The following TENM2 variants were observed in gnomAD, a reference collection of about 807,000 sequenced individuals.
TENM2 encodes the protein teneurin transmembrane protein 2.
Under a neutral mutation model 245.2 loss-of-function variants are expected in TENM2, and 52 were observed. The ratio of observed to expected loss-of-function variants is 0.21; its 90% CI spans 0.17 to 0.27. TENM2 has a LOEUF of 0.27. Ranked by LOEUF, TENM2 falls within the 10% of genes least tolerant of loss-of-function variation. TENM2 has a pLI of 1.00. For synonymous variants in TENM2, 1,363 were observed against 1,438.9 expected (o/e 0.95, Z 1.19); for missense variants, 3,046 against 3,666.8 (o/e 0.83, Z 4.37).
intron 2 of TENM2, among the ~76,000 whole-genome samples, chr5:167,456,893 C>T (rs1409845062): frequency 1.3e-5 from 2 of 152,174 alleles, no homozygotes; most frequent in Non-Finnish European, 2.9e-5. Context: ...CATGCTGCAG[C>T]TCCGAAAAGC....
At chr5:167,090,930 C>T in the TENM2 span, among the ~76,000 whole-genome samples, 5 of 152,174 alleles carry the variant, frequency 3.3e-5, no homozygotes, top group Non-Finnish European at 7.3e-5. Context: ...AATAGCTTCA[C>T]TAATAAACAC....
chr5:167,563,457 G>A lies in TENM2; in HGVS notation c.502+187984G>A, dbSNP rs555766176. Reference sequence around the variant, plus strand: ...TCTCCTTGACCACAAGGCTACTTCTGTTTTCTGCCAAGTGATGTCTCGTAA... The same window carrying A: ...TCTCCTTGACCACAAGGCTACTTCTATTTTCTGCCAAGTGATGTCTCGTAA... On this transcript the variant is annotated intron_variant, in intron 2 of 28. Coordinates refer to ENST00000518659, the Ensembl canonical transcript of TENM2. Among the ~76,000 whole-genome samples, 4 of 152,224 alleles carry A rather than the reference G, an allele frequency of 2.6e-5. No homozygotes were observed. In the South Asian group the frequency reaches 8.3e-4, roughly 32 times the overall value.
the TENM2 span, among the ~76,000 whole-genome samples, chr5:167,002,675 A>C: frequency 2.6e-5 from 4 of 151,982 alleles, no homozygotes; most frequent in Non-Finnish European, 4.4e-5. Context: ...ACAAAAAAAA[A>C]ACAGCCCCTG....
the TENM2 span, among the ~76,000 whole-genome samples, chr5:166,992,502 G>T: frequency 6.6e-6 from 1 of 152,126 alleles, no homozygotes; most frequent in African/African-American, 2.4e-5. Context: ...CAATGAGAGG[G>T]TTACAAATAA....
At position 168,162,756 on chromosome 5, in the gene TENM2, A is replaced by AG. The variant is rs749761107; in HGVS notation, c.2569+1dup. 1 of 1,613,892 alleles carries AG rather than the reference A, an allele frequency of 6.2e-7. No individual in the cohort carries two copies. The highest frequency in any genetic ancestry group is 8.5e-7 in the Non-Finnish European group (1 of 1,179,824). ...GTGCTGATAACAAGGATAATGAGGG[A>AG]GGTGAGCACGCGTCTTCTCATTCCC... On this transcript the variant is annotated frameshift_variant and splice_region_variant, in exon 13 of 29. Coordinates refer to ENST00000518659, the Ensembl canonical transcript of TENM2. LOFTEE classifies it high-confidence loss of function.
chr5:168,152,650 G>A (rs1756759096), intron 12 of TENM2, among the ~76,000 whole-genome samples: 1 of 152,166 alleles, frequency 6.6e-6, no homozygotes, highest in Non-Finnish European at 1.5e-5. Flanking sequence ...AGCTGCACAA[G>A]GTACAACAAC....
At chr5:167,507,820 CTTGTT>C (rs746415529) in intron 2 of TENM2, among the ~76,000 whole-genome samples, 2 of 152,030 alleles carry the variant, frequency 1.3e-5, no homozygotes, top group East Asian at 1.9e-4. Flanking sequence ...TCTTTTTCCT[CTTGTT>C]TTGTTTTCTT....
chr5:167,045,298 C>G, the TENM2 span, among the ~76,000 whole-genome samples: 1 of 152,160 alleles, frequency 6.6e-6, no homozygotes, highest in South Asian at 2.1e-4. Flanking sequence ...TCTGTAAAAT[C>G]ATGACATTAA....
chr5:168,151,956 G>A (rs1019742389), intron 12 of TENM2, among the ~76,000 whole-genome samples: 2 of 152,174 alleles, frequency 1.3e-5, no homozygotes, highest in African/African-American at 4.8e-5. Flanking sequence ...CAAAAACTTG[G>A]ATCATCCAGG....
At chr5:167,887,921 T>C (rs1388805695) in intron 3 of TENM2, among the ~76,000 whole-genome samples, 1 of 152,152 alleles carries the variant, frequency 6.6e-6, no homozygotes, top group Non-Finnish European at 1.5e-5. Context: ...CAGCAACCCT[T>C]AGCATTCTTT....
chr5:166,996,089 A>G, the TENM2 span, among the ~76,000 whole-genome samples: 2 of 152,234 alleles, frequency 1.3e-5, no homozygotes, highest in East Asian at 1.9e-4. Context: ...CACGTCTGTA[A>G]TCCCAGCACT....
At chr5:167,658,427 C>T (rs1423164867) in intron 2 of TENM2, among the ~76,000 whole-genome samples, 2 of 152,032 alleles carry the variant, frequency 1.3e-5, no homozygotes, top group African/African-American at 2.4e-5. Flanking sequence ...AGGCTGGTTT[C>T]GAACTTATGA....
chr5:167,238,181 G>A, the TENM2 span, among the ~76,000 whole-genome samples: 1 of 152,006 alleles, frequency 6.6e-6, no homozygotes, highest in African/African-American at 2.4e-5. Context: ...TTCCATAAGA[G>A]CGTTATACAA....
At chr5:167,667,071 A>G (rs1186905205) in intron 2 of TENM2, among the ~76,000 whole-genome samples, 1 of 152,222 alleles carries the variant, frequency 6.6e-6, no homozygotes, top group African/African-American at 2.4e-5. Flanking sequence ...AAAAATACAC[A>G]GGTCTTTTGT....
At chr5:167,900,132 A>AT (rs1775574506) in intron 3 of TENM2, among the ~76,000 whole-genome samples, 1 of 114,272 alleles carries the variant, frequency 8.8e-6, no homozygotes, top group Non-Finnish European at 1.8e-5. Flanking sequence ...AAAAAAAAAA[A>AT]AGGGGGGGGG....
chr5:167,589,434 G>A lies in TENM2; in HGVS notation c.502+213961G>A, dbSNP rs185376535. On this transcript the variant is annotated intron_variant, in intron 2 of 28. Transcript: ENST00000518659. The stretch of plus-strand genomic sequence containing the variant: ...AACATGTGTCAGAATTCAAATATAA[G>A]TGTGAACTGTGTAGAGCACACAGGA... Among the ~76,000 whole-genome samples the A allele has an allele frequency of 8.2e-4, 125 of 152,204 alleles. 1 individual carries two copies. In the East Asian group the frequency reaches 0.018, roughly 21 times the overall value.
intron 2 of TENM2, among the ~76,000 whole-genome samples, chr5:167,875,025 A>C (rs776526990): frequency 2.6e-5 from 4 of 152,242 alleles, no homozygotes; most frequent in Non-Finnish European, 5.9e-5. Context: ...GTCTAGTTTT[A>C]GAGTACCTTA....
At position 167,943,299 on chromosome 5, in the gene TENM2, T is replaced by C. The variant is rs7720116; in HGVS notation, c.713-9289T>C. On this transcript the variant is annotated intron_variant, in intron 3 of 28. Transcript: ENST00000518659. Reference sequence around the variant, plus strand: ...TGGTGTAGATCAGAGTTTGTTTCCATTATTCTGTTCATCAGAGGCACAATC... The same window carrying C: ...TGGTGTAGATCAGAGTTTGTTTCCACTATTCTGTTCATCAGAGGCACAATC... 4.6e-4 allele frequency among the ~76,000 whole-genome samples: 62 copies of C among 134,092 alleles called. 1 individual carries two copies. The highest frequency in any genetic ancestry group is 1.7e-3 in the African/African-American group (61 of 35,954). The allele number at this position is 134,092 out of a possible 152,430, so 88.0% of individuals were successfully genotyped here. A position where few individuals can be genotyped will look rare whatever the true frequency, so the allele number is the denominator to read the frequency against.
At chr5:167,256,288 T>C in the TENM2 span, among the ~76,000 whole-genome samples, 4 of 152,220 alleles carry the variant, frequency 2.6e-5, no homozygotes, top group Non-Finnish European at 1.5e-5. Flanking sequence ...CCCTTGACAA[T>C]GAGTAAGGTC....
Sources: gnomAD v4.1 joint callset for allele counts (sites outside exome capture counted in the v4.1 genomes callset) on GRCh38, gnomAD v4.1.1 for gene constraint, MANE v1.5 for transcripts, NCBI Gene and HGNC (gene_info 2026-07-23, HGNC 2026-07-21) for gene names.